The following ARHGAP19 variants were observed in gnomAD, a reference collection of about 807,000 sequenced individuals.
ARHGAP19 encodes Rho GTPase activating protein 19.
In ARHGAP19, 48 loss-of-function variants were observed where a neutral mutation model predicts 60.9. The observed-to-expected ratio is 0.79, with a 90% CI of 0.62 to 1.00. ARHGAP19 has a LOEUF of 1.00. Among genes scored for constraint, ARHGAP19 ranks in the 50% least tolerant of loss-of-function variants. The pLI is 0.00. For synonymous variants in ARHGAP19, 209 were observed against 215.5 expected (o/e 0.97, Z 0.27); for missense variants, 562 against 597.2 (o/e 0.94, Z 0.61).
intron 2 of ARHGAP19, 68 bp from the exon 3 acceptor site, chr10:97,264,974 C>T: frequency 8.5e-7 from 1 of 1,170,142 alleles, no homozygotes; most frequent in Admixed American, 1.9e-5. Flanking sequence ...ATACCTAAAA[C>T]CACTCAAGCA....
chr10:97,267,862 A>G (rs1469444218), intron 1 of ARHGAP19, among the ~76,000 whole-genome samples: 1 of 151,832 alleles, frequency 6.6e-6, no homozygotes, highest in African/African-American at 2.4e-5. Flanking sequence ...CCACAACATC[A>G]TTTTTCCTTG....
intron 8 of ARHGAP19, among the ~76,000 whole-genome samples, chr10:97,241,291 C>T (rs1842477043): frequency 6.6e-6 from 1 of 151,920 alleles, no homozygotes; most frequent in Admixed American, 6.6e-5. Flanking sequence ...AGCCACTATA[C>T]TCAAATATGA....
chr10:97,244,196 C>A, intron 7 of ARHGAP19, 37 bp from the exon 8 acceptor site: 4 of 1,528,284 alleles, frequency 2.6e-6, no homozygotes, highest in Non-Finnish European at 3.5e-6. Context: ...ATTAATATAT[C>A]CTGCCAACTT....
intron 11 of ARHGAP19, 193 bp downstream of exon 11, chr10:97,228,954 C>A: frequency 1.4e-6 from 1 of 692,048 alleles, no homozygotes; most frequent in Non-Finnish European, 2.6e-6. Context: ...CTACCCTTAG[C>A]ACCCAAGACA....
chr10:97,223,923 T>C lies in ARHGAP19; in HGVS notation c.*2199A>G, dbSNP rs190679767. On this transcript the variant is annotated 3_prime_UTR_variant, in exon 12 of 12. Transcript: ENST00000358531. Reference sequence around the variant, plus strand: ...AAAACCCCTAAAGCAAGGGAAAACATATTCAATAAATAAACAAAACACACA... The same window carrying C: ...AAAACCCCTAAAGCAAGGGAAAACACATTCAATAAATAAACAAAACACACA... 6.6e-6 allele frequency: 1 copy of C among 152,154 alleles called. No individual in the cohort carries two copies. Among genetic ancestry groups the C allele is most frequent in the Admixed American group, 6.5e-5 (1 of 15,268 alleles). 9.4% of individuals were successfully genotyped at this position (152,154 alleles called of 1,614,324 possible).
rs1237661406 is a variant in ARHGAP19, at chr10:97,252,634, T to C, written c.927+3684A>G. On this transcript the variant is annotated intron_variant, in intron 6 of 11. Coordinates refer to ENST00000358531, the MANE Select transcript of ARHGAP19 (RefSeq NM_032900.6). ...TGAGACTCCATCTCAAAAAAATAAA[T>C]AAATAAAAATAAAAAATAACAGATG... 5.9e-5 allele frequency among the ~76,000 whole-genome samples: 9 copies of C among 151,446 alleles called. No individual in the cohort carries two copies. The East Asian group carries it at 1.7e-3, about 29-fold the overall frequency.
At chr10:97,262,064 A>C (rs1842836104) in intron 4 of ARHGAP19, among the ~76,000 whole-genome samples, 1 of 152,132 alleles carries the variant, frequency 6.6e-6, no homozygotes, top group Non-Finnish European at 1.5e-5. Context: ...GAAATCAGTA[A>C]CACTGGTCTG....
chr10:97,264,909 G>A lies in ARHGAP19; in HGVS notation c.323-3C>T, dbSNP rs572507625. On this transcript the variant is annotated splice_region_variant and splice_polypyrimidine_tract_variant and intron_variant, in intron 2 of 11. Transcript: ENST00000358531. ...GGACCCAAATATCACTCCTTTTTCT[G>A]AAAAACCATATGATATGACAGGGCT... The A allele has an allele frequency of 6.2e-7, 1 of 1,610,306 alleles. No individual in the cohort carries two copies. Among genetic ancestry groups the A allele is most frequent in the East Asian group, 2.2e-5 (1 of 44,804 alleles).
intron 6 of ARHGAP19, among the ~76,000 whole-genome samples, chr10:97,247,453 T>C (rs1842578887): frequency 6.6e-6 from 1 of 152,192 alleles, no homozygotes; most frequent in Non-Finnish European, 1.5e-5. Flanking sequence ...TAAAATTACA[T>C]TTGCACTTAC....
chr10:97,233,944 G>T (rs187351911), intron 9 of ARHGAP19, among the ~76,000 whole-genome samples: 3 of 151,732 alleles, frequency 2.0e-5, no homozygotes, highest in African/African-American at 7.2e-5. Flanking sequence ...GGCCTGTTGG[G>T]GGGTGGAGTG....
chr10:97,262,108 T>C (rs1408209012), intron 4 of ARHGAP19, among the ~76,000 whole-genome samples: 1 of 151,844 alleles, frequency 6.6e-6, no homozygotes, highest in African/African-American at 2.4e-5. Flanking sequence ...TCCTAGCACT[T>C]TGGGAGACTG....
chr10:97,230,313 T>C (rs1466238075), intron 9 of ARHGAP19, among the ~76,000 whole-genome samples: 3 of 152,170 alleles, frequency 2.0e-5, no homozygotes, highest in African/African-American at 7.2e-5. Context: ...GGCTGGCTCT[T>C]CTCTAAGGCA....
At chr10:97,233,512 G>C (rs1851065507) in intron 9 of ARHGAP19, among the ~76,000 whole-genome samples, 2 of 152,176 alleles carry the variant, frequency 1.3e-5, no homozygotes, top group Admixed American at 1.3e-4. Context: ...AAAAACAAAA[G>C]GAAGCCATCC....
At chr10:97,287,344 C>A (rs1589383829) in intron 1 of ARHGAP19, among the ~76,000 whole-genome samples, 1 of 152,132 alleles carries the variant, frequency 6.6e-6, no homozygotes. Flanking sequence ...TTTTAAAGGA[C>A]CATTCTACTT....
At chr10:97,245,927 G>T (rs1842557426) in intron 7 of ARHGAP19, among the ~76,000 whole-genome samples, 1 of 151,986 alleles carries the variant, frequency 6.6e-6, no homozygotes, top group Non-Finnish European at 1.5e-5. Context: ...AATTGTGGGG[G>T]GGAGGCACTT....
chr10:97,240,980 A>G (rs1435053763), intron 8 of ARHGAP19, among the ~76,000 whole-genome samples: 1 of 152,224 alleles, frequency 6.6e-6, no homozygotes, highest in Non-Finnish European at 1.5e-5. Context: ...TAATTTTTAT[A>G]ATCATGGAGA....
chr10:97,225,960 G>A lies in ARHGAP19; in HGVS notation c.*162C>T. On this transcript the variant is annotated 3_prime_UTR_variant, in exon 12 of 12. Transcript: ENST00000358531. ...GCACAGCTTGCAAACATCATCCAGTGAGTGGGGTTAGAGGTATCAGTCGGG... is the reference window on the plus strand; with the variant it reads ...GCACAGCTTGCAAACATCATCCAGTAAGTGGGGTTAGAGGTATCAGTCGGG... 1.5e-6 allele frequency: 1 copy of A among 665,620 alleles called. No individual in the cohort carries two copies. The highest frequency in any genetic ancestry group is 1.9e-5 in the South Asian group (1 of 52,224). 41.2% of individuals were successfully genotyped at this position (665,620 alleles called of 1,614,324 possible). A position where few individuals can be genotyped will look rare whatever the true frequency, so the allele number is the denominator to read the frequency against.
intron 1 of ARHGAP19, among the ~76,000 whole-genome samples, chr10:97,287,691 C>T (rs1240448271): frequency 6.6e-6 from 1 of 152,074 alleles, no homozygotes; most frequent in Non-Finnish European, 1.5e-5. Context: ...TATAGTAAGC[C>T]ATCATCATGC....
intron 1 of ARHGAP19, among the ~76,000 whole-genome samples, chr10:97,281,910 C>T (rs1843090498): frequency 6.6e-6 from 1 of 152,042 alleles, no homozygotes; most frequent in Middle Eastern, 3.2e-3. Flanking sequence ...TTTTAAGAAA[C>T]ATAAAATGTT....
Sources: gnomAD v4.1 joint callset for allele counts (sites outside exome capture counted in the v4.1 genomes callset) on GRCh38, gnomAD v4.1.1 for gene constraint, MANE v1.5 for transcripts, NCBI Gene and HGNC (gene_info 2026-07-23, HGNC 2026-07-21) for gene names.